ATP10D: variants seen among roughly 807,000 people sequenced by gnomAD.
ATP10D encodes phospholipid-transporting ATPase VD.
ATP10D carries 89 observed loss-of-function variants against 144.8 expected under a neutral mutation model. The observed-to-expected ratio is 0.61, with a 90% CI of 0.52 to 0.73. ATP10D has a LOEUF of 0.73. ATP10D is among the 30% of genes least tolerant of loss of function. The pLI is 0.00. For synonymous variants in ATP10D, 571 were observed against 615.1 expected (o/e 0.93, Z 1.06); for missense variants, 1,603 against 1,714.8 (o/e 0.93, Z 1.15).
chr4:47,569,818 T>C lies in ATP10D; in HGVS notation c.3163+672T>C, dbSNP rs147822404. On this transcript the variant is annotated intron_variant, in intron 16 of 22. Transcript: ENST00000273859. ...ACTGTGAGCAGAGATGTGAAGGAAA[T>C]CATAAAGGGGCCATGGGAGACATGG... 9.2e-5 allele frequency among the ~76,000 whole-genome samples: 14 copies of C among 151,980 alleles called. No homozygotes were observed. In the East Asian group the frequency reaches 2.7e-3, roughly 29 times the overall value.
chr4:47,578,883 A>G (rs1242330247), intron 19 of ATP10D, among the ~76,000 whole-genome samples: 2 of 152,380 alleles, frequency 1.3e-5, no homozygotes, highest in South Asian at 4.1e-4. Flanking sequence ...CAAGTATATT[A>G]TTCTAAAGAA....
intron 20 of ATP10D, 25 bp from the exon 21 acceptor site, chr4:47,581,935 A>G (rs761530630): frequency 6.3e-7 from 1 of 1,584,708 alleles, no homozygotes; most frequent in South Asian, 1.1e-5. Flanking sequence ...ACTCTCCAGG[A>G]TCATCTAATG....
chr4:47,534,163 C>G (rs1018716639), intron 5 of ATP10D, among the ~76,000 whole-genome samples: 1 of 152,100 alleles, frequency 6.6e-6, no homozygotes, highest in Non-Finnish European at 1.5e-5. Context: ...GTGACTTCCC[C>G]CTCCTTGGGT....
intron 1 of ATP10D, among the ~76,000 whole-genome samples, chr4:47,504,990 C>G (rs1715944445): frequency 6.6e-6 from 1 of 152,200 alleles, no homozygotes. Flanking sequence ...GGTTATAAGT[C>G]TATCAAGGCC....
rs189455614 is a variant in ATP10D, at chr4:47,554,942, G to C, written c.1824+28G>C. On this transcript the variant is annotated intron_variant, in intron 11 of 22. Coordinates refer to ENST00000273859, the MANE Select transcript of ATP10D (RefSeq NM_020453.4). The stretch of plus-strand genomic sequence containing the variant: ...GAGTAAGTTCTCTAATGCAAACAAG[G>C]GTCACTTTCCAGAAGAGAATTTTGG... 3 of 1,597,410 alleles carry C rather than the reference G, an allele frequency of 1.9e-6. No individual in the cohort carries two copies. In the African/African-American group the frequency reaches 4.0e-5, roughly 21 times the overall value.
Position 47,511,425 on chromosome 4 carries a change from A to C in ATP10D, c.-37-1079A>C, listed in dbSNP as rs188165168. 1.2e-4 allele frequency among the ~76,000 whole-genome samples: 19 copies of C among 152,214 alleles called. No individual in the cohort carries two copies. In the East Asian group the frequency reaches 3.7e-3, roughly 29 times the overall value. ...ATACTCAGAGGCTGTTGTTCTTCCC[A>C]TCAAAAGTGATTGTCTGCCTGTAAT... is the stretch of plus-strand genomic sequence containing the variant. On this transcript the variant is annotated intron_variant, in intron 1 of 22. Transcript: ENST00000273859.
At chr4:47,537,471 T>A (rs1717915427) in intron 9 of ATP10D, among the ~76,000 whole-genome samples, 1 of 152,136 alleles carries the variant, frequency 6.6e-6, no homozygotes, top group Non-Finnish European at 1.5e-5. Flanking sequence ...AAAAGAAATA[T>A]GTGCTCCTTT....
chr4:47,536,373 T>C, intron 7 of ATP10D, 64 bp from the exon 8 acceptor site: 2 of 1,574,980 alleles, frequency 1.3e-6, no homozygotes, highest in South Asian at 2.3e-5. Context: ...CCTTTAGGAA[T>C]AAAATTTTTT....
chr4:47,588,809 A>C (rs1450066762), intron 22 of ATP10D, among the ~76,000 whole-genome samples: 2 of 152,222 alleles, frequency 1.3e-5, no homozygotes, highest in Non-Finnish European at 1.5e-5. Context: ...TTTCTGAAAA[A>C]ACAATTACTT....
chr4:47,572,338 C>G, intron 17 of ATP10D, 108 bp downstream of exon 17: 1 of 979,082 alleles, frequency 1.0e-6, no homozygotes, highest in Admixed American at 1.9e-5. Flanking sequence ...GTGTGGCTAG[C>G]TGAGGAGTGG....
intron 1 of ATP10D, among the ~76,000 whole-genome samples, chr4:47,489,261 A>G (rs141996618): frequency 6.6e-6 from 1 of 152,354 alleles, no homozygotes. Context: ...AAACGTGGAC[A>G]ACAAATCAAA....
At chr4:47,576,175 C>T (rs977343213) in intron 18 of ATP10D, among the ~76,000 whole-genome samples, 1 of 151,640 alleles carries the variant, frequency 6.6e-6, no homozygotes, top group Non-Finnish European at 1.5e-5. Context: ...TCGTGATCCA[C>T]CCGCCTCGGC....
In ATP10D at chr4:47,587,105, C is replaced by T. The variant is rs1247221558; in HGVS notation, c.3840C>T (p.Cys1280=). ...TTTTTGGAGCCATGTGTGTAACTTG[C>T]AACCCACCATCCAACCCTTACTGGA... ...AIVFGAMCVT[C]NPPSNPYWIM... The change falls in exon 22 of 23, where the codon TGC becomes TGT. Residue 1280 remains cysteine, a synonymous_variant. Transcript: ENST00000273859. The T allele has an allele frequency of 6.2e-7, 1 of 1,613,964 alleles. No homozygotes were observed.
At chr4:47,572,725 CA>C in intron 17 of ATP10D, 146 bp from the exon 18 acceptor site, 1 of 947,154 alleles carries the variant, frequency 1.1e-6, no homozygotes, top group African/African-American at 1.7e-5. Flanking sequence ...GCTCATAATC[CA>C]AAAAACTGAT....
chr4:47,494,220 T>C (rs950772516), intron 1 of ATP10D, among the ~76,000 whole-genome samples: 1 of 152,240 alleles, frequency 6.6e-6, no homozygotes, highest in Middle Eastern at 3.4e-3. Context: ...AGAGTAAGAC[T>C]TTTTCCCCCC....
intron 9 of ATP10D, among the ~76,000 whole-genome samples, chr4:47,538,075 C>T (rs1251596121): frequency 6.6e-6 from 1 of 152,120 alleles, no homozygotes; most frequent in Non-Finnish European, 1.5e-5. Context: ...TTCTTTTTCA[C>T]ACCCAGCCAT....
At chr4:47,559,789 C>T (rs1719197281) in intron 13 of ATP10D, among the ~76,000 whole-genome samples, 1 of 152,094 alleles carries the variant, frequency 6.6e-6, no homozygotes, top group Admixed American at 6.6e-5. Context: ...CACCTGAGGT[C>T]AGGAGTTCAA....
chr4:47,549,784 G>A (rs79816038), intron 10 of ATP10D, among the ~76,000 whole-genome samples: 3,713 of 152,302 alleles, frequency 0.024, 74 homozygotes, highest in Non-Finnish European at 0.036. Flanking sequence ...GCTACAACTT[G>A]AGTTAGGATT....
chr4:47,487,305 T>C (rs1010415603), intron 1 of ATP10D, among the ~76,000 whole-genome samples: 7 of 151,822 alleles, frequency 4.6e-5, no homozygotes, highest in Admixed American at 4.6e-4. Flanking sequence ...TGCTCAAATA[T>C]GATTATAATT....
Sources: gnomAD v4.1 joint callset for allele counts (sites outside exome capture counted in the v4.1 genomes callset) on GRCh38, gnomAD v4.1.1 for gene constraint, MANE v1.5 for transcripts, NCBI Gene and HGNC (gene_info 2026-07-23, HGNC 2026-07-21) for gene names.